FANCD2OS: variants seen among roughly 807,000 people sequenced by gnomAD.
The protein encoded by FANCD2OS is FANCD2 opposite strand.
FANCD2OS carries 11 observed loss-of-function variants against 13.2 expected under a neutral mutation model. That is an observed-to-expected ratio of 0.83 (90% CI 0.52 to 1.38). FANCD2OS has a LOEUF of 1.38. Ranked by LOEUF, FANCD2OS falls within the 40% of genes most tolerant of loss-of-function variation. FANCD2OS has a pLI of 0.00. For synonymous variants in FANCD2OS, 69 were observed against 84.5 expected (o/e 0.82, Z 1.01); for missense variants, 217 against 213.9 (o/e 1.01, Z -0.09).
At chr3:10,100,163 G>A (rs980325898), downstream of FANCD2OS, among the ~76,000 whole-genome samples, 2 of 152,214 alleles carry the variant, frequency 1.3e-5, no homozygotes, top group Non-Finnish European at 2.9e-5. Flanking sequence ...CTGGATGACA[G>A]AGCGAGACCC....
At chr3:10,082,177 C>T (rs1046516742) in intron 2 of FANCD2OS, among the ~76,000 whole-genome samples, 1 of 152,198 alleles carries the variant, frequency 6.6e-6, no homozygotes, top group Non-Finnish European at 1.5e-5. Flanking sequence ...ATGGTACCAC[C>T]AGTTGCCTGA....
chr3:10,085,020 G>A (rs895590293), intron 2 of FANCD2OS, among the ~76,000 whole-genome samples: 1 of 152,124 alleles, frequency 6.6e-6, no homozygotes, highest in African/African-American at 2.4e-5. Flanking sequence ...GGAAAGGAAG[G>A]GACAATATGA....
At chr3:10,101,092 A>G (rs1695271498), downstream of FANCD2OS, 3 of 926,714 alleles carry the variant, frequency 3.2e-6, no homozygotes, top group Non-Finnish European at 5.2e-6. Flanking sequence ...TTTAACAGTG[A>G]TAATAGTACA....
At chr3:10,082,365 A>G (rs139435401) in intron 2 of FANCD2OS, among the ~76,000 whole-genome samples, 7 of 152,294 alleles carry the variant, frequency 4.6e-5, no homozygotes, top group African/African-American at 1.7e-4. Context: ...GGACTGGGCT[A>G]GGTTCACACT....
At chr3:10,098,640 C>G, downstream of FANCD2OS, 1 of 1,535,318 alleles carries the variant, frequency 6.5e-7, no homozygotes, top group African/African-American at 1.4e-5. Context: ...CTTTGTATTG[C>G]CTGTAAACTC....
At chr3:10,098,592 T>G (rs1434671135), downstream of FANCD2OS, 2 of 1,109,014 alleles carry the variant, frequency 1.8e-6, no homozygotes, top group Non-Finnish European at 2.6e-6. Flanking sequence ...CAAGTTGGTA[T>G]CCATGTTTGC....
At chr3:10,088,578 CT>C (rs777197502) in intron 2 of FANCD2OS, 1 of 1,409,812 alleles carries the variant, frequency 7.1e-7, no homozygotes, top group Non-Finnish European at 1.0e-6. Flanking sequence ...AGCCAAATAG[CT>C]TTTTTCTATT....
intron 2 of FANCD2OS, among the ~76,000 whole-genome samples, chr3:10,084,062 C>T (rs758768787): frequency 1.3e-5 from 2 of 151,530 alleles, no homozygotes; most frequent in South Asian, 2.1e-4. Context: ...GGCGCGATCT[C>T]GGCTCACTAT....
chr3:10,098,780 A>G (rs769945632), downstream of FANCD2OS: 30 of 1,614,098 alleles, frequency 1.9e-5, no homozygotes, highest in South Asian at 3.2e-4. Context: ...TGAGGATGAC[A>G]TGTCATCCCA....
At chr3:10,085,876 CGACT>C (rs777514146) in intron 2 of FANCD2OS, 1 of 1,613,614 alleles carries the variant, frequency 6.2e-7, no homozygotes, top group South Asian at 1.1e-5. Flanking sequence ...CCTTAGTAGC[CGACT>C]GAAACAGGGA....
In FANCD2OS at chr3:10,104,199, A is replaced by G. The variant is rs757466999; in HGVS notation, c.*42T>C. On this transcript the variant is annotated 3_prime_UTR_variant, in exon 2 of 2. Transcript: ENST00000450660. ...TTTCTGTAAGCTTTAGGTACATACCAAAGGGCATGGTGTGAGTAAATGGGG... is the reference window on the plus strand; with the variant it reads ...TTTCTGTAAGCTTTAGGTACATACCGAAGGGCATGGTGTGAGTAAATGGGG... 8 of 1,524,566 alleles carry G rather than the reference A, an allele frequency of 5.2e-6. No individual in the cohort carries two copies. Among genetic ancestry groups the G allele is most frequent in the Non-Finnish European group, 6.2e-6 (7 of 1,128,766 alleles). 94.4% of individuals were successfully genotyped at this position (1,524,566 alleles called of 1,614,324 possible).
intron 2 of FANCD2OS, chr3:10,096,485 T>C: frequency 1.2e-6 from 2 of 1,613,166 alleles, no homozygotes; most frequent in Non-Finnish European, 8.5e-7. Flanking sequence ...AAGCCTTGGA[T>C]CCTGCTAGTG....
rs568822462 is a variant in FANCD2OS at position 10,105,556 on chromosome 3, C to A, written c.-8-774G>T. On this transcript the variant is annotated intron_variant, in intron 1 of 1. Transcript: ENST00000450660. Reference sequence around the variant, plus strand: ...ACTTGAGGTCAGAGTTCCAGAACAGCCTGGCCAACATGGTGAAACCCTGTC... The same window carrying A: ...ACTTGAGGTCAGAGTTCCAGAACAGACTGGCCAACATGGTGAAACCCTGTC... 2.0e-5 allele frequency among the ~76,000 whole-genome samples: 3 copies of A among 151,460 alleles called. No homozygotes were observed. In the East Asian group the frequency reaches 5.9e-4, roughly 30 times the overall value.
downstream of FANCD2OS, chr3:10,103,055 A>G (rs1264330993): frequency 1.1e-5 from 5 of 442,004 alleles, no homozygotes; most frequent in South Asian, 3.2e-5. Context: ...CCAGGAGTTC[A>G]AGACCAGCTT....
In FANCD2OS at chr3:10,104,693, A is replaced by T. The variant is rs745717436; in HGVS notation, c.82T>A (p.Ser28Thr). 40 of 1,613,968 alleles carry T rather than the reference A, an allele frequency of 2.5e-5. 2 individuals carry two copies. In the South Asian group the frequency reaches 4.3e-4, roughly 17 times the overall value. ...GAGGCCTTGAATGGGTGCTTGGAGGAAGGTGTAGGTGTCGTGTGCCGCAGC... is the reference window on the plus strand; with the variant it reads ...GAGGCCTTGAATGGGTGCTTGGAGGTAGGTGTAGGTGTCGTGTGCCGCAGC... ...QWLRHTTPTP[S>T]SKHPFKASPC... Residue 28 changes from serine (S) to threonine (T), a missense_variant, in exon 2 of 2, where the codon TCC becomes ACC. By Grantham distance (58) the Ser-to-Thr change is moderately conservative (BLOSUM62 1). Coordinates refer to ENST00000450660, the MANE Select transcript of FANCD2OS (RefSeq NM_001164839.2).
chr3:10,085,689 C>T (rs1694151411), intron 2 of FANCD2OS: 6 of 761,000 alleles, frequency 7.9e-6, no homozygotes, highest in Non-Finnish European at 1.4e-5. Flanking sequence ...CACGCCCGAC[C>T]TCTCAATTCT....
At chr3:10,087,926 C>T (rs892183134) in intron 2 of FANCD2OS, among the ~76,000 whole-genome samples, 4 of 152,120 alleles carry the variant, frequency 2.6e-5, no homozygotes, top group South Asian at 2.1e-4. Flanking sequence ...GGATTACAGA[C>T]GTGAGCCACT....
At chr3:10,091,122 C>G (rs1228363702) in intron 2 of FANCD2OS, among the ~76,000 whole-genome samples, 1 of 149,016 alleles carries the variant, frequency 6.7e-6, no homozygotes, top group Non-Finnish European at 1.5e-5. Flanking sequence ...AGTCTGACAT[C>G]CAGGTTGGAG....
downstream of FANCD2OS, chr3:10,101,681 C>T: frequency 3.6e-6 from 1 of 278,286 alleles, no homozygotes; most frequent in Non-Finnish European, 6.9e-6. Context: ...CCGCTCCCAG[C>T]CATATTTTGT....
Sources: allele counts gnomAD v4.1 joint callset (sites outside exome capture counted in the v4.1 genomes callset), GRCh38; gene constraint gnomAD v4.1.1; transcripts MANE v1.5; gene names NCBI Gene and HGNC (gene_info 2026-07-23, HGNC 2026-07-21).